The following MAN2A2 variants were observed in gnomAD, a reference collection of about 807,000 sequenced individuals.
MAN2A2 encodes alpha-mannosidase 2x.
MAN2A2 carries 79 observed loss-of-function variants against 126.8 expected under a neutral mutation model. The ratio of observed to expected loss-of-function variants is 0.62; its 90% CI spans 0.52 to 0.75. The LOEUF is 0.75. Among genes scored for constraint, MAN2A2 ranks in the 30% least tolerant of loss-of-function variants. The pLI is 0.00. For missense variants in MAN2A2, 1,392 were observed against 1,522.4 expected (o/e 0.91, Z 1.43); for synonymous variants, 671 against 618.7 (o/e 1.08, Z -1.25).
intron 9 of MAN2A2, 48 bp from the exon 10 acceptor site, chr15:90,910,042 G>T: frequency 2.0e-6 from 3 of 1,537,780 alleles, no homozygotes; most frequent in Non-Finnish European, 1.8e-6. Context: ...GCCACAATTT[G>T]CAGGAGGCTC....
Position 90,907,386 on chromosome 15 carries a change from G to C in MAN2A2, c.1087G>C (p.Asp363His), listed in dbSNP as rs1207979926. 2 of 1,614,162 alleles carry C rather than the reference G, an allele frequency of 1.2e-6. No homozygotes were observed. Among genetic ancestry groups the C allele is most frequent in the Admixed American group, 3.3e-5 (2 of 60,024 alleles). ...TGACGTCCCCCATACCTGTGGCCCA[G>C]ATCCCAAGATCTGCTGCCAATTTGA... Reference protein sequence around the residue: ...SYDVPHTCGPDPKICCQFDFK... With the variant: ...SYDVPHTCGPHPKICCQFDFK... The change falls in exon 8 of 23, where the codon GAT (aspartate) becomes CAT (histidine). Residue 363 changes from aspartate (D) to histidine (H), a missense_variant. Coordinates refer to ENST00000559717, the MANE Select transcript of MAN2A2 (RefSeq NM_006122.4).
Position 90,909,397 on chromosome 15 carries a change from C to G in MAN2A2, c.1267C>G (p.Leu423Val). Reference sequence around the variant, plus strand: ...CCGAAGCAACGTCCTCCTGGTGCCTCTTGGAGATGACTTCCGATATGACAA... The same window carrying G: ...CCGAAGCAACGTCCTCCTGGTGCCTGTTGGAGATGACTTCCGATATGACAA... ...LFRSNVLLVP[L>V]GDDFRYDKPQ... Residue 423 changes from leucine (L) to valine (V), a missense_variant, in exon 9 of 23, where the codon CTT becomes GTT. Physicochemically the swap from Leu to Val is conservative, Grantham distance 32 (BLOSUM62 1). Transcript: ENST00000559717. The G allele has an allele frequency of 6.2e-7, 1 of 1,614,154 alleles. No homozygotes were observed. Among genetic ancestry groups the G allele is most frequent in the Non-Finnish European group, 8.5e-7 (1 of 1,179,996 alleles).
chr15:90,918,307 TG>T lies in MAN2A2; in HGVS notation c.3110del (p.Gly1037ValfsTer65). On this transcript the variant is annotated frameshift_variant, in exon 21 of 23. Transcript: ENST00000559717. LOFTEE classifies it high-confidence loss of function. ...PVARMQLPGP[G>X]LRSFHPLASS... ...TAGCCAGGATGCAGCTCCCAGGCCCTGGTCTGCGCTCATTTCATCCTCTGGC... is the reference window on the plus strand; with the variant it reads ...TAGCCAGGATGCAGCTCCCAGGCCCTGTCTGCGCTCATTTCATCCTCTGGC... The T allele has an allele frequency of 6.2e-7, 1 of 1,614,226 alleles. No individual in the cohort carries two copies. Among genetic ancestry groups the T allele is most frequent in the African/African-American group, 1.3e-5 (1 of 75,074 alleles).
In MAN2A2 at chr15:90,912,226, C is replaced by T; in HGVS notation, c.2293C>T (p.Leu765Phe). Residue 765 changes from leucine to phenylalanine, a missense_variant, in exon 15 of 23, where the codon CTC (leucine) becomes TTC (phenylalanine). Transcript: ENST00000559717. ...VIDSGTSDFA[L>F]SNRYMQVWFS... ...TGACTCTGGCACCAGCGACTTCGCC[C>T]TCAGCAACCGCTACATGCAGGTCTG... The T allele has an allele frequency of 6.2e-7, 1 of 1,614,236 alleles. No individual in the cohort carries two copies. Among genetic ancestry groups the T allele is most frequent in the Non-Finnish European group, 8.5e-7 (1 of 1,180,046 alleles).
In MAN2A2 at chr15:90,918,702, T is replaced by C. The variant is rs1209229923; in HGVS notation, c.3247T>C (p.Cys1083Arg). 1 of 1,521,800 alleles carries C rather than the reference T, an allele frequency of 6.6e-7. No homozygotes were observed. Among genetic ancestry groups the C allele is most frequent in the South Asian group, 1.1e-5 (1 of 89,144 alleles). 94.3% of individuals were successfully genotyped at this position (1,521,800 alleles called of 1,614,324 possible). ...ALILHRKGFD[C>R]GLEAKNLGFN... ...CATCTTACACCGCAAGGGTTTTGAC[T>C]GCGGCCTGGAGGCCAAGAACTTGGG... is the stretch of plus-strand genomic sequence containing the variant. Residue 1083 changes from cysteine (C) to arginine (R), a missense_variant, in exon 22 of 23, where the codon TGC becomes CGC. Physicochemically the swap from Cys to Arg is radical, Grantham distance 180. Coordinates refer to ENST00000559717, the MANE Select transcript of MAN2A2 (RefSeq NM_006122.4).
chr15:90,917,951 A>C, intron 20 of MAN2A2: 1 of 520,652 alleles, frequency 1.9e-6, no homozygotes, highest in South Asian at 2.5e-5. Flanking sequence ...TTATGTGAGC[A>C]AGGAACTAAA....
Position 90,910,108 on chromosome 15 carries a change from T to C in MAN2A2, c.1393T>C (p.Ser465Pro), listed in dbSNP as rs186082761. ...LHVQAQFGTL[S>P]DYFDALYKRT... ...CCCACAGGCCCAGTTTGGCACTCTT[T>C]CTGACTATTTTGATGCCCTGTACAA... Residue 465 changes from serine (S) to proline (P), a missense_variant, in exon 10 of 23, where the codon TCT (serine) becomes CCT (proline). Ser to Pro is a moderately conservative substitution (Grantham distance 74, BLOSUM62 -1). Coordinates refer to ENST00000559717, the MANE Select transcript of MAN2A2 (RefSeq NM_006122.4). 5.1e-5 allele frequency: 82 copies of C among 1,613,104 alleles called. No individual in the cohort carries two copies. Among genetic ancestry groups the C allele is most frequent in the Non-Finnish European group, 6.9e-5 (81 of 1,179,566 alleles).
At chr15:90,911,690 T>C (rs1379352257) in intron 14 of MAN2A2, 140 bp downstream of exon 14, 1 of 946,774 alleles carries the variant, frequency 1.1e-6, no homozygotes, top group African/African-American at 1.7e-5. Flanking sequence ...GGGAGGGGGT[T>C]GTCCAGAAGA....
At chr15:90,913,106 G>T in intron 17 of MAN2A2, 115 bp downstream of exon 17, 1 of 1,149,578 alleles carries the variant, frequency 8.7e-7, no homozygotes, top group East Asian at 2.4e-5. Flanking sequence ...ATTTGAGACA[G>T]GGATGCTCCA....
Position 90,919,617 on chromosome 15 carries a change from C to A in MAN2A2, c.3301-18C>A. The A allele has an allele frequency of 1.2e-6, 2 of 1,613,374 alleles. No homozygotes were observed. Among genetic ancestry groups the A allele is most frequent in the Non-Finnish European group, 1.7e-6 (2 of 1,179,584 alleles). On this transcript the variant is annotated intron_variant, in intron 22 of 22. Transcript: ENST00000559717. ...CTCGGCACCTAGCACAACCCTGCCC[C>A]TTCTCTGCTCTCCACAGGTAGCCCT...
chr15:90,909,857 C>T (rs1043911423), intron 9 of MAN2A2, among the ~76,000 whole-genome samples: 6 of 152,332 alleles, frequency 3.9e-5, no homozygotes, highest in African/African-American at 1.4e-4. Flanking sequence ...CTCGCCTCGG[C>T]CTCCCAAAGT....
chr15:90,919,639 C>T lies in MAN2A2; in HGVS notation c.3305C>T (p.Ala1102Val), dbSNP rs2035448182. ...FNCTTSQGKV[A>V]LGSLFHGLDV... is the part of the protein sequence containing the mutation. ...CCCCTTCTCTGCTCTCCACAGGTAG[C>T]CCTGGGCAGCCTTTTCCATGGCCTG... Residue 1102 changes from alanine (A) to valine (V), a missense_variant, in exon 23 of 23, where the codon GCC becomes GTC. Physicochemically the swap from Ala to Val is moderately conservative, Grantham distance 64 (BLOSUM62 0). Coordinates refer to ENST00000559717, the MANE Select transcript of MAN2A2 (RefSeq NM_006122.4). 6.2e-7 allele frequency: 1 copy of T among 1,613,980 alleles called. No homozygotes were observed. Among genetic ancestry groups the T allele is most frequent in the African/African-American group, 1.3e-5 (1 of 74,920 alleles).
At position 90,917,108 on chromosome 15, in the gene MAN2A2, T is replaced by C. The variant is rs546096610; in HGVS notation, c.2994+852T>C. Among the ~76,000 whole-genome samples the C allele has an allele frequency of 5.9e-5, 9 of 152,358 alleles. No homozygotes were observed. In the South Asian group the frequency reaches 1.4e-3, roughly 25 times the overall value. ...CTATGCTATCCAGTACGGTGGCCAG[T>C]AGCCCTATATGGCTATTTAAATTAC... is the stretch of plus-strand genomic sequence containing the variant. On this transcript the variant is annotated intron_variant, in intron 20 of 22. Transcript: ENST00000559717.
chr15:90,910,934 T>G lies in MAN2A2; in HGVS notation c.1848T>G (p.Phe616Leu), dbSNP rs1347707907. Residue 616 changes from phenylalanine (F) to leucine (L), a missense_variant, in exon 12 of 23, where the codon TTT becomes TTG. Phe to Leu is a conservative substitution (Grantham distance 22). Coordinates refer to ENST00000559717, the MANE Select transcript of MAN2A2 (RefSeq NM_006122.4). Reference protein sequence around the residue: ...LVLGDKETYHFDPEAPFLQVD... With the variant: ...LVLGDKETYHLDPEAPFLQVD... ...TGGGGGACAAGGAGACCTACCACTT[T>G]GACCCTGAGGCGCCCTTCCTCCAAG... 1.2e-6 allele frequency: 2 copies of G among 1,614,124 alleles called. No homozygotes were observed. Among genetic ancestry groups the G allele is most frequent in the Admixed American group, 3.3e-5 (2 of 60,016 alleles).
chr15:90,919,110 A>G (rs569077713), intron 22 of MAN2A2, among the ~76,000 whole-genome samples: 30 of 152,352 alleles, frequency 2.0e-4, no homozygotes, highest in African/African-American at 7.2e-4. Context: ...CCAGTGTTTC[A>G]GAAGTGAACC....
At chr15:90,911,881 G>A (rs2034776519) in intron 14 of MAN2A2, 162 bp from the exon 15 acceptor site, 9 of 681,130 alleles carry the variant, frequency 1.3e-5, no homozygotes, top group Non-Finnish European at 2.3e-5. Context: ...CATAAAGTCT[G>A]ATGAGGAAGA....
At position 90,920,014 on chromosome 15, in the gene MAN2A2, G is replaced by A; in HGVS notation, c.*227G>A. 1 of 537,656 alleles carries A rather than the reference G, an allele frequency of 1.9e-6. No individual in the cohort carries two copies. The highest frequency in any genetic ancestry group is 3.3e-6 in the Non-Finnish European group (1 of 304,074). The allele number at this position is 537,656 out of a possible 1,614,324, so 33.3% of individuals were successfully genotyped here. ...ACGCCAGTGAGATCAGGGAGAGAAG[G>A]CCCTTGGTCAGAGTGGGCAGTGCCA... On this transcript the variant is annotated 3_prime_UTR_variant, in exon 23 of 23. Coordinates refer to ENST00000559717, the MANE Select transcript of MAN2A2 (RefSeq NM_006122.4).
At chr15:90,916,750 C>T (rs952303700) in intron 20 of MAN2A2, 7 of 971,446 alleles carry the variant, frequency 7.2e-6, no homozygotes, top group Admixed American at 4.7e-5. Context: ...CTCAGTCACT[C>T]GTGCATCAGA....
chr15:90,918,275 C>T lies in MAN2A2; in HGVS notation c.3076C>T (p.Leu1026=). 6.2e-7 allele frequency: 1 copy of T among 1,614,206 alleles called. No homozygotes were observed. Among genetic ancestry groups the T allele is most frequent in the Non-Finnish European group, 8.5e-7 (1 of 1,180,018 alleles). ...GTACCTGAACGCCCCGGCGCTCGCTCTGCCTGTAGCCAGGATGCAGCTCCC... is the reference window on the plus strand; with the variant it reads ...GTACCTGAACGCCCCGGCGCTCGCTTTGCCTGTAGCCAGGATGCAGCTCCC... ...SMYLNAPALA[L]PVARMQLPGP... Residue 1026 remains leucine, a synonymous_variant, in exon 21 of 23, where the codon CTG becomes TTG. Transcript: ENST00000559717.
Sources: gnomAD v4.1 joint callset for allele counts (sites outside exome capture counted in the v4.1 genomes callset) on GRCh38, gnomAD v4.1.1 for gene constraint, MANE v1.5 for transcripts, NCBI Gene and HGNC (gene_info 2026-07-23, HGNC 2026-07-21) for gene names.